Variants in ARSG observed in about 807,000 individuals in gnomAD.
The protein encoded by ARSG is ASG.
In ARSG, 37 loss-of-function variants were observed where a neutral mutation model predicts 50.5. The observed-to-expected ratio is 0.73, with a 90% CI of 0.56 to 0.96. The LOEUF (loss-of-function observed/expected upper bound fraction) is 0.96, where lower values mean the gene tolerates loss of function less well. ARSG is among the 50% of genes least tolerant of loss of function. The pLI, the probability that ARSG is intolerant of heterozygous loss-of-function variation, is 0.00. For synonymous variants in ARSG, 225 were observed against 254.6 expected (o/e 0.88, Z 1.11); for missense variants, 629 against 675.3 (o/e 0.93, Z 0.76).
downstream of ARSG, chr17:68,426,253 G>GGGGGCCCCCC: frequency 1.2e-6 from 1 of 841,018 alleles, no homozygotes; most frequent in Non-Finnish European, 1.9e-6. Context: ...GGGGAGCGGG[G>GGGGGCCCCCC]GCTCAAATAA....
intron 11 of ARSG, among the ~76,000 whole-genome samples, chr17:68,412,465 T>A (rs2082063343): frequency 6.6e-6 from 1 of 152,262 alleles, no homozygotes. Context: ...CTCTTCTGGC[T>A]TGTAGAGTTT....
intron 1 of ARSG, among the ~76,000 whole-genome samples, chr17:68,266,543 C>T (rs1353767517): frequency 2.0e-5 from 3 of 149,556 alleles, no homozygotes; most frequent in Non-Finnish European, 4.4e-5. Context: ...CACATGATGG[C>T]TCACACCTGT....
chr17:68,287,017 C>T (rs1037557550), upstream of ARSG, among the ~76,000 whole-genome samples: 24 of 151,972 alleles, frequency 1.6e-4, no homozygotes, highest in African/African-American at 5.8e-4. Context: ...GAGTTTCGCT[C>T]TTGTTGCCTA....
the ARSG span, among the ~76,000 whole-genome samples, chr17:68,431,481 CAGG>C: frequency 6.6e-6 from 1 of 151,860 alleles, no homozygotes; most frequent in East Asian, 1.9e-4. Flanking sequence ...AGGTCTGACT[CAGG>C]GGGACGGGAG....
intron 9 of ARSG, among the ~76,000 whole-genome samples, chr17:68,392,590 C>T (rs1238669460): frequency 6.6e-6 from 1 of 152,206 alleles, no homozygotes; most frequent in Admixed American, 6.5e-5. Context: ...ACCTCCACCT[C>T]CCAGGTTCAA....
chr17:68,335,276 C>T lies in ARSG; in HGVS notation c.219-8328C>T, dbSNP rs548519402. ...TAGTTGAGTGTTATAAGAGATATGT[C>T]GGCCAGGTGGCTCATGCCTGTAATC... On this transcript the variant is annotated intron_variant, in intron 2 of 11. Coordinates refer to ENST00000621439, the MANE Select transcript of ARSG (RefSeq NM_001267727.2). Among the ~76,000 whole-genome samples, 6 of 152,068 alleles carry T rather than the reference C, an allele frequency of 3.9e-5. No homozygotes were observed. In the South Asian group the frequency reaches 6.2e-4, roughly 16 times the overall value.
intron 1 of ARSG, among the ~76,000 whole-genome samples, chr17:68,270,167 A>T (rs1440787031): frequency 1.3e-5 from 2 of 152,190 alleles, no homozygotes; most frequent in African/African-American, 4.8e-5. Context: ...GACTTACAGA[A>T]GTCCATTAGT....
At chr17:68,426,988 A>AC, downstream of ARSG, 1 of 669,396 alleles carries the variant, frequency 1.5e-6, no homozygotes, top group Non-Finnish European at 2.6e-6. Flanking sequence ...AGAGCACTCC[A>AC]CCCCCAGGTA....
At chr17:68,401,274 C>T (rs928538823) in intron 10 of ARSG, 86 bp from the exon 11 acceptor site, 14 of 1,191,910 alleles carry the variant, frequency 1.2e-5, no homozygotes, top group African/African-American at 7.6e-5. Flanking sequence ...CCTCCTGCCT[C>T]GACCTCCCAA....
intron 2 of ARSG, among the ~76,000 whole-genome samples, chr17:68,318,517 G>A (rs1568461225): frequency 6.6e-6 from 1 of 152,234 alleles, no homozygotes; most frequent in East Asian, 1.9e-4. Context: ...TCTCTTGGGA[G>A]AGAGACAGAG....
intron 7 of ARSG, among the ~76,000 whole-genome samples, chr17:68,370,046 G>T (rs1000946821): frequency 6.6e-6 from 1 of 152,074 alleles, no homozygotes. Context: ...ATGGAGTCTT[G>T]CTCCGTCACC....
chr17:68,382,341 A>T (rs1434415961), intron 8 of ARSG, among the ~76,000 whole-genome samples: 3 of 152,218 alleles, frequency 2.0e-5, no homozygotes, highest in Admixed American at 6.5e-5. Context: ...AATAGTGGCT[A>T]ACTTGAGAGG....
chr17:68,436,299 G>A, the ARSG span: 5 of 1,285,914 alleles, frequency 3.9e-6, no homozygotes, highest in South Asian at 2.4e-5. Flanking sequence ...AGCCCCCGAC[G>A]GCAGGGCGTC....
At chr17:68,364,738 G>A (rs1489187160) in intron 6 of ARSG, among the ~76,000 whole-genome samples, 1 of 152,180 alleles carries the variant, frequency 6.6e-6, no homozygotes, top group African/African-American at 2.4e-5. Flanking sequence ...TTAAGGTATA[G>A]TTGAAATGAA....
At chr17:68,345,113 A>G (rs778075822) in intron 3 of ARSG, among the ~76,000 whole-genome samples, 20 of 152,160 alleles carry the variant, frequency 1.3e-4, no homozygotes, top group Admixed American at 2.6e-4. Context: ...ACACCAAGAC[A>G]CCATTTGTGA....
downstream of ARSG, chr17:68,427,105 T>G (rs1297451883): frequency 2.2e-5 from 35 of 1,568,104 alleles, no homozygotes; most frequent in Non-Finnish European, 2.7e-5. Flanking sequence ...CTGTTGGAGA[T>G]GCTCCCCTGT....
chr17:68,305,089 G>A (rs913554153), intron 1 of ARSG, among the ~76,000 whole-genome samples: 13 of 152,058 alleles, frequency 8.5e-5, no homozygotes, highest in East Asian at 3.8e-4. Context: ...CAGAAGGATC[G>A]TTTGAACCCA....
In ARSG at chr17:68,264,661, T is replaced by C. The variant is rs1174289326; in HGVS notation, c.-552+5235T>C. 3.3e-5 allele frequency among the ~76,000 whole-genome samples: 5 copies of C among 151,920 alleles called. No homozygotes were observed. In the South Asian group the frequency reaches 1.0e-3, roughly 32 times the overall value. On this transcript the variant is annotated intron_variant, in intron 1 of 11. Transcript: ENST00000448504. ...CATGTTGGTCAGGCTGGTCTCGAAC[T>C]CCCAACCTCAGGTGATCCACCCGCC... is the stretch of plus-strand genomic sequence containing the variant.
intron 11 of ARSG, among the ~76,000 whole-genome samples, chr17:68,416,923 G>T (rs1180986063): frequency 6.6e-6 from 1 of 152,088 alleles, no homozygotes; most frequent in African/African-American, 2.4e-5. Context: ...TTTCTCTGGT[G>T]CCTCCCTAAT....
Sources: gnomAD v4.1 joint callset for allele counts (sites outside exome capture counted in the v4.1 genomes callset) on GRCh38, gnomAD v4.1.1 for gene constraint, MANE v1.5 for transcripts, NCBI Gene and HGNC (gene_info 2026-07-23, HGNC 2026-07-21) for gene names.